Variants in GRM5 observed in about 807,000 individuals in gnomAD.
The protein encoded by GRM5 is glutamate metabotropic receptor 5, also known as metabotropic glutamate receptor 5.
Under a neutral mutation model 83.1 loss-of-function variants are expected in GRM5, and 19 were observed. The observed-to-expected ratio is 0.23, with a 90% CI of 0.16 to 0.34. The LOEUF (loss-of-function observed/expected upper bound fraction) is 0.34. Ranked by LOEUF, GRM5 falls within the 10% of genes least tolerant of loss-of-function variation. The probability of loss-of-function intolerance (pLI) is 1.00; values close to 1 mark genes in which losing one functional copy is unlikely to be tolerated. For missense variants in GRM5, 1,160 were observed against 1,588.3 expected, an observed-to-expected ratio of 0.73 and a Z score of 4.58; for synonymous variants, 675 against 633.6, an observed-to-expected ratio of 1.07 and a Z score of -0.98.
chr11:88,710,387 T>C (rs2135383464), intron 3 of GRM5, among the ~76,000 whole-genome samples: 1 of 152,234 alleles, frequency 6.6e-6, no homozygotes, highest in South Asian at 2.1e-4. Flanking sequence ...TGCAGAACAG[T>C]GTTGCCTGGG....
intron 3 of GRM5, among the ~76,000 whole-genome samples, chr11:88,655,712 A>C (rs949229228): frequency 6.8e-6 from 1 of 148,126 alleles, no homozygotes; most frequent in Non-Finnish European, 1.5e-5. Flanking sequence ...CTGTAAGTTT[A>C]ATAACTTAGA....
chr11:88,580,654 C>T (rs978236345), intron 7 of GRM5, among the ~76,000 whole-genome samples: 4 of 152,104 alleles, frequency 2.6e-5, no homozygotes, highest in African/African-American at 9.7e-5. Flanking sequence ...ATTTCCAAGT[C>T]ACCATTAAAC....
chr11:88,873,547 A>G (rs554702876), intron 2 of GRM5, among the ~76,000 whole-genome samples: 2 of 151,852 alleles, frequency 1.3e-5, no homozygotes, highest in East Asian at 3.9e-4. Flanking sequence ...CTAGGAATCA[A>G]TAACATGAAG....
intron 2 of GRM5, among the ~76,000 whole-genome samples, chr11:88,991,010 C>G (rs1939946285): frequency 6.6e-6 from 1 of 152,064 alleles, no homozygotes; most frequent in Admixed American, 6.6e-5. Flanking sequence ...AAATTCTGGC[C>G]AGGGCAATTA....
At chr11:88,786,096 T>C (rs1454868823) in intron 3 of GRM5, among the ~76,000 whole-genome samples, 2 of 152,100 alleles carry the variant, frequency 1.3e-5, no homozygotes. Context: ...CTGTGCCAGG[T>C]ACATGAATAT....
chr11:88,637,225 A>T (rs1323434331), intron 4 of GRM5, among the ~76,000 whole-genome samples: 1 of 152,216 alleles, frequency 6.6e-6, no homozygotes, highest in African/African-American at 2.4e-5. Flanking sequence ...AGGCATTACC[A>T]TTCAGGACAA....
intron 2 of GRM5, among the ~76,000 whole-genome samples, chr11:88,865,559 T>C (rs1944648217): frequency 6.6e-6 from 1 of 150,944 alleles, no homozygotes; most frequent in South Asian, 2.1e-4. Context: ...AATTGACAAA[T>C]GGGATCTAAT....
chr11:88,733,502 T>A (rs565230759), intron 3 of GRM5, among the ~76,000 whole-genome samples: 2 of 152,158 alleles, frequency 1.3e-5, no homozygotes, highest in Admixed American at 1.3e-4. Context: ...AATTTAAGCA[T>A]GTTGGAGGCT....
At chr11:88,520,479 C>T (rs1208941436) in intron 9 of GRM5, among the ~76,000 whole-genome samples, 3 of 152,098 alleles carry the variant, frequency 2.0e-5, no homozygotes, top group Non-Finnish European at 4.4e-5. Context: ...TCTGTTTGTA[C>T]TGGTACAAAC....
At chr11:88,919,019 A>C (rs1316224) in intron 2 of GRM5, among the ~76,000 whole-genome samples, 5 of 151,014 alleles carry the variant, frequency 3.3e-5, no homozygotes, top group African/African-American at 1.2e-4. Flanking sequence ...AACAAATAAC[A>C]AAGTGGTAGT....
At chr11:88,696,471 C>T (rs766935766) in intron 3 of GRM5, among the ~76,000 whole-genome samples, 7 of 152,112 alleles carry the variant, frequency 4.6e-5, no homozygotes, top group Non-Finnish European at 8.8e-5. Flanking sequence ...TCCCTGCCTC[C>T]CTGCCTCCCT....
intron 3 of GRM5, among the ~76,000 whole-genome samples, chr11:88,845,890 A>T (rs184048051): frequency 1.3e-5 from 2 of 152,320 alleles, no homozygotes; most frequent in Admixed American, 1.3e-4. Context: ...TTCTTGCTAC[A>T]TGTAAAGATA....
chr11:88,744,191 C>A (rs1464755582), intron 3 of GRM5, among the ~76,000 whole-genome samples: 1 of 151,846 alleles, frequency 6.6e-6, no homozygotes, highest in Non-Finnish European at 1.5e-5. Context: ...CAAATGAGAG[C>A]AATTTGATTT....
chr11:88,639,682 G>C (rs1204372542), intron 4 of GRM5, among the ~76,000 whole-genome samples: 1 of 151,610 alleles, frequency 6.6e-6, no homozygotes, highest in African/African-American at 2.4e-5. Context: ...CCACCTCCCA[G>C]GTTCATGCCA....
intron 2 of GRM5, among the ~76,000 whole-genome samples, chr11:89,035,214 A>C (rs1379589721): frequency 6.6e-6 from 1 of 151,694 alleles, no homozygotes; most frequent in Non-Finnish European, 1.5e-5. Flanking sequence ...TGTCAACATC[A>C]TTTGTAGCTT....
intron 2 of GRM5, among the ~76,000 whole-genome samples, chr11:88,864,850 A>G (rs1195092535): frequency 1.3e-5 from 2 of 152,036 alleles, no homozygotes; most frequent in East Asian, 1.9e-4. Flanking sequence ...ATCAATACCT[A>G]GTTTATTGAG....
intron 2 of GRM5, among the ~76,000 whole-genome samples, chr11:89,044,531 C>T (rs536375089): frequency 5.3e-5 from 8 of 152,132 alleles, no homozygotes; most frequent in Non-Finnish European, 1.0e-4. Context: ...TGACACAGTA[C>T]GGTTAGGTTT....
At chr11:88,846,107 T>C (rs570400169) in intron 3 of GRM5, among the ~76,000 whole-genome samples, 2 of 152,248 alleles carry the variant, frequency 1.3e-5, no homozygotes, top group African/African-American at 2.4e-5. Context: ...GGCTTTGTAA[T>C]AATCATCGTA....
At chr11:89,020,439 G>C (rs956835333) in intron 2 of GRM5, among the ~76,000 whole-genome samples, 1 of 152,166 alleles carries the variant, frequency 6.6e-6, no homozygotes, top group Non-Finnish European at 1.5e-5. Context: ...CTAAGAATGT[G>C]GACCACAGTA....
Sources: gnomAD v4.1 joint callset for allele counts (sites outside exome capture counted in the v4.1 genomes callset) on GRCh38, gnomAD v4.1.1 for gene constraint, MANE v1.5 for transcripts, NCBI Gene and HGNC (gene_info 2026-07-23, HGNC 2026-07-21) for gene names.